DNAJC7: variants seen among roughly 807,000 people sequenced by gnomAD.
The protein encoded by DNAJC7 is dnaJ homolog subfamily C member 7.
A neutral mutation model predicts 67.4 loss-of-function variants in DNAJC7; 18 were observed. The observed-to-expected ratio is 0.27, with a 90% confidence interval of 0.18 to 0.40. DNAJC7 has a LOEUF of 0.40. DNAJC7 is among the 10% of genes least tolerant of loss of function. The pLI is 1.00. For missense variants in DNAJC7, 419 were observed against 613.8 expected, an observed-to-expected ratio of 0.68 and a Z score of 3.35; for synonymous variants, 220 against 207.8, an observed-to-expected ratio of 1.06 and a Z score of -0.50.
intron 10 of DNAJC7, among the ~76,000 whole-genome samples, chr17:41,982,628 T>C (rs1299118490): frequency 1.3e-5 from 2 of 152,018 alleles, no homozygotes; most frequent in African/African-American, 2.4e-5. Context: ...TGCAGGTAAA[T>C]GAGACAGAAA....
chr17:41,976,689 CTGAG>C lies in DNAJC7; in HGVS notation c.*40_*43del. On this transcript the variant is annotated 3_prime_UTR_variant, in exon 14 of 14. Transcript: ENST00000457167. ...AACTGTTTCCACATTCAAGATTAAACTGAGTGAATCTGCATTTTCTGGGTTCTGG... is the reference window on the plus strand; with the variant it reads ...AACTGTTTCCACATTCAAGATTAAACTGAATCTGCATTTTCTGGGTTCTGG... 1 of 1,602,478 alleles carries C rather than the reference CTGAG, an allele frequency of 6.2e-7. No individual in the cohort carries two copies. The highest frequency in any genetic ancestry group is 1.1e-5 in the South Asian group (1 of 90,298).
intron 2 of DNAJC7, 21 bp from the exon 3 acceptor site, chr17:41,997,260 C>T (rs782254726): frequency 7.5e-6 from 12 of 1,610,170 alleles, no homozygotes; most frequent in East Asian, 6.7e-5. Flanking sequence ...GGCAGAAGAA[C>T]GTAAAACAAA....
At chr17:42,012,389 A>T (rs1312599594) in intron 1 of DNAJC7, among the ~76,000 whole-genome samples, 1 of 152,242 alleles carries the variant, frequency 6.6e-6, no homozygotes, top group Non-Finnish European at 1.5e-5. Context: ...AGGCTGAGGC[A>T]GGAGAATCAT....
At chr17:42,011,982 A>C (rs1258005121) in intron 1 of DNAJC7, among the ~76,000 whole-genome samples, 4 of 152,254 alleles carry the variant, frequency 2.6e-5, no homozygotes, top group Non-Finnish European at 5.9e-5. Flanking sequence ...AATCGCAAAG[A>C]GTGTACAATA....
Position 41,989,627 on chromosome 17 carries a change from C to A in DNAJC7, c.600-70G>T, listed in dbSNP as rs1598127142. ...TCCCCACCATTACTACCATTTGTGG[C>A]CAGTTTTCCTCCTTGACCATGTGTC... On this transcript the variant is annotated intron_variant, in intron 6 of 13. Coordinates refer to ENST00000457167, the MANE Select transcript of DNAJC7 (RefSeq NM_003315.4). 5 of 1,565,028 alleles carry A rather than the reference C, an allele frequency of 3.2e-6. No homozygotes were observed. In the Admixed American group the frequency reaches 6.9e-5, roughly 22 times the overall value.
intron 9 of DNAJC7, among the ~76,000 whole-genome samples, chr17:41,986,319 C>A (rs1271482005): frequency 6.6e-6 from 1 of 151,928 alleles, no homozygotes; most frequent in Non-Finnish European, 1.5e-5. Context: ...TGAGCCAGTA[C>A]GGTGCTACTG....
intron 1 of DNAJC7, among the ~76,000 whole-genome samples, chr17:42,005,279 C>G (rs1296608266): frequency 6.6e-6 from 1 of 152,164 alleles, no homozygotes; most frequent in Non-Finnish European, 1.5e-5. Context: ...TGCTAGCCAA[C>G]TTTGCACATT....
intron 1 of DNAJC7, among the ~76,000 whole-genome samples, chr17:42,010,752 CAA>C (rs1276774774): frequency 6.6e-6 from 1 of 152,136 alleles, no homozygotes; most frequent in Non-Finnish European, 1.5e-5. Flanking sequence ...ATATTAGAAT[CAA>C]GAGAGATGGT....
intron 12 of DNAJC7, 37 bp from the exon 13 acceptor site, chr17:41,977,360 AG>A (rs1555645135): frequency 2.6e-6 from 4 of 1,539,002 alleles, no homozygotes; most frequent in Non-Finnish European, 3.5e-6. Flanking sequence ...AGGGAAGAAA[AG>A]GTGAAAAATT....
chr17:42,008,395 G>T (rs1567969909), intron 1 of DNAJC7, among the ~76,000 whole-genome samples: 1 of 136,806 alleles, frequency 7.3e-6, no homozygotes, highest in Non-Finnish European at 1.5e-5. Flanking sequence ...CACAGGTATA[G>T]ATATATATAT....
intron 1 of DNAJC7, among the ~76,000 whole-genome samples, chr17:42,003,008 G>C (rs1196114906): frequency 6.6e-6 from 1 of 152,164 alleles, no homozygotes; most frequent in Non-Finnish European, 1.5e-5. Context: ...TTTCATTTTA[G>C]TAAATGGTGA....
At chr17:42,011,197 A>G (rs1363922087) in intron 1 of DNAJC7, 1 of 152,216 alleles carries the variant, frequency 6.6e-6, no homozygotes, top group Non-Finnish European at 1.5e-5. Flanking sequence ...TTGTTCTCCA[A>G]ACTTCTAAAG....
intron 1 of DNAJC7, chr17:42,016,651 A>AC (rs2052300642): frequency 6.5e-6 from 1 of 152,816 alleles, no homozygotes; most frequent in South Asian, 2.0e-4. Context: ...CGGAGTGCCA[A>AC]CAGCGCCCAA....
rs1057196792 is a variant in DNAJC7, at chr17:41,993,384, A to G, written c.480+1486T>C. ...TGAGGCAGGAGAATGGCATGAACCCAGGAGGCGGAGCTTGCAGTGAGCCGA... is the reference window on the plus strand; with the variant it reads ...TGAGGCAGGAGAATGGCATGAACCCGGGAGGCGGAGCTTGCAGTGAGCCGA... On this transcript the variant is annotated intron_variant, in intron 5 of 13. Coordinates refer to ENST00000457167, the MANE Select transcript of DNAJC7 (RefSeq NM_003315.4). 8.3e-4 allele frequency among the ~76,000 whole-genome samples: 126 copies of G among 152,250 alleles called. 1 individual carries two copies. Among genetic ancestry groups the G allele is most frequent in the Non-Finnish European group, 2.9e-4 (20 of 68,000 alleles).
chr17:41,993,508 C>T (rs2051565993), intron 5 of DNAJC7, among the ~76,000 whole-genome samples: 1 of 152,084 alleles, frequency 6.6e-6, no homozygotes, highest in Non-Finnish European at 1.5e-5. Context: ...TTACTGAGCA[C>T]ATGCTACAAA....
intron 12 of DNAJC7, 75 bp from the exon 13 acceptor site, chr17:41,977,398 A>T: frequency 1.5e-6 from 2 of 1,324,962 alleles, no homozygotes; most frequent in Non-Finnish European, 2.1e-6. Context: ...AACTGATGAC[A>T]CTGAGAACAG....
chr17:41,984,299 CTTTTT>C (rs67739063), intron 9 of DNAJC7: 4 of 120,458 alleles, frequency 3.3e-5, no homozygotes, highest in African/African-American at 9.5e-5. Flanking sequence ...ATTGCGAGAT[CTTTTT>C]TTTTTTTTTT....
intron 8 of DNAJC7, among the ~76,000 whole-genome samples, chr17:41,988,266 G>A (rs1388128305): frequency 6.6e-6 from 1 of 152,114 alleles, no homozygotes; most frequent in Non-Finnish European, 1.5e-5. Flanking sequence ...ATTCTGCAAG[G>A]GCAAGGAGTC....
intron 2 of DNAJC7, 39 bp from the exon 3 acceptor site, chr17:41,997,278 A>C: frequency 6.2e-7 from 1 of 1,600,204 alleles, no homozygotes; most frequent in Non-Finnish European, 8.5e-7. Context: ...AAAGTTTAGA[A>C]CAGGTCCCTG....
Sources: allele counts gnomAD v4.1 joint callset (sites outside exome capture counted in the v4.1 genomes callset), GRCh38; gene constraint gnomAD v4.1.1; transcripts MANE v1.5; gene names NCBI Gene and HGNC (gene_info 2026-07-23, HGNC 2026-07-21).